DDX31: variants seen among roughly 807,000 people sequenced by gnomAD.
DDX31 encodes ATP-dependent DNA helicase DDX31.
A neutral mutation model predicts 91.3 loss-of-function variants in DDX31; 70 were observed. The observed-to-expected ratio is 0.77, with a 90% confidence interval of 0.63 to 0.94. The LOEUF (loss-of-function observed/expected upper bound fraction) is 0.94, where lower values mean the gene tolerates loss of function less well. DDX31 is among the 40% of genes least tolerant of loss of function. DDX31 has a pLI of 0.00. For missense variants in DDX31, 902 were observed against 925.0 expected (o/e 0.98, Z 0.32); for synonymous variants, 362 against 350.6 (o/e 1.03, Z -0.36).
intron 3 of DDX31, 81 bp downstream of exon 3, chr9:132,662,180 T>G: frequency 1.5e-6 from 2 of 1,366,870 alleles, no homozygotes; most frequent in Non-Finnish European, 2.1e-6. Flanking sequence ...TCTCTCCTCC[T>G]AGAGCGGCCA....
intron 1 of DDX31, chr9:132,663,586 A>G (rs1307059362): frequency 1.1e-6 from 1 of 925,356 alleles, no homozygotes; most frequent in African/African-American, 1.8e-5. Context: ...ATATAAAAGC[A>G]TCCCTTGAGT....
At position 132,652,531 on chromosome 9, in the gene DDX31, A is replaced by G. The variant is rs772547585; in HGVS notation, c.589-39T>C. 2.5e-6 allele frequency: 4 copies of G among 1,613,296 alleles called. No individual in the cohort carries two copies. In the Admixed American group the frequency reaches 6.7e-5, roughly 27 times the overall value. ...GAAAAAAAATGCCATGAGCAGGATA[A>G]ACAAAGGCAGACTCCAAACGGACAG... is the stretch of plus-strand genomic sequence containing the variant. On this transcript the variant is annotated intron_variant, in intron 6 of 19. Transcript: ENST00000372159.
At chr9:132,648,351 T>C in intron 10 of DDX31, 56 bp from the exon 11 acceptor site, 5 of 1,606,756 alleles carry the variant, frequency 3.1e-6, no homozygotes, top group Non-Finnish European at 4.2e-6. Context: ...AGATGTGGTC[T>C]AAGGGGCTAC....
At chr9:132,655,138 T>G (rs1342493584) in intron 6 of DDX31, among the ~76,000 whole-genome samples, 2 of 152,092 alleles carry the variant, frequency 1.3e-5, no homozygotes, top group Non-Finnish European at 2.9e-5. Context: ...ATAGACCATA[T>G]GTGTGTGTAA....
chr9:132,651,512 G>C (rs781091362), intron 7 of DDX31, among the ~76,000 whole-genome samples: 1 of 152,182 alleles, frequency 6.6e-6, no homozygotes, highest in Non-Finnish European at 1.5e-5. Flanking sequence ...AACCACAATA[G>C]TGACGCAACA....
intron 19 of DDX31, among the ~76,000 whole-genome samples, chr9:132,611,015 C>T (rs559753957): frequency 5.3e-5 from 8 of 152,236 alleles, no homozygotes; most frequent in South Asian, 2.1e-4. Flanking sequence ...TGACACTTCC[C>T]GGTGAACGGA....
chr9:132,660,151 T>C (rs1319022122), intron 4 of DDX31, among the ~76,000 whole-genome samples: 2 of 151,864 alleles, frequency 1.3e-5, no homozygotes, highest in African/African-American at 4.8e-5. Flanking sequence ...CTGGCCAACA[T>C]GATGAAACCC....
At chr9:132,628,446 C>A (rs1832528361) in intron 16 of DDX31, among the ~76,000 whole-genome samples, 1 of 152,244 alleles carries the variant, frequency 6.6e-6, no homozygotes, top group African/African-American at 2.4e-5. Flanking sequence ...ATCATCACAG[C>A]AGATGATGGT....
At chr9:132,610,943 TC>T (rs1319210856) in intron 19 of DDX31, among the ~76,000 whole-genome samples, 2 of 152,100 alleles carry the variant, frequency 1.3e-5, no homozygotes, top group East Asian at 3.9e-4. Context: ...CACTGGGTGG[TC>T]CCTCTGTCTT....
chr9:132,608,362 G>T (rs929289515), intron 19 of DDX31, among the ~76,000 whole-genome samples: 3 of 152,120 alleles, frequency 2.0e-5, no homozygotes, highest in Non-Finnish European at 4.4e-5. Context: ...AAAGTCGACA[G>T]AAACCTAGTT....
chr9:132,609,598 C>T (rs995767068), intron 19 of DDX31, among the ~76,000 whole-genome samples: 27 of 152,182 alleles, frequency 1.8e-4, no homozygotes, highest in African/African-American at 6.3e-4. Context: ...TTTCAGGGAT[C>T]GGAATAAACA....
intron 5 of DDX31, 113 bp downstream of exon 5, chr9:132,659,597 C>A: frequency 9.9e-7 from 1 of 1,008,650 alleles, no homozygotes; most frequent in Non-Finnish European, 1.5e-6. Flanking sequence ...GCCTCCCTCC[C>A]CCAAACGAAA....
At chr9:132,635,555 G>A (rs1230848425) in intron 14 of DDX31, among the ~76,000 whole-genome samples, 3 of 144,450 alleles carry the variant, frequency 2.1e-5, no homozygotes, top group Admixed American at 7.3e-5. Context: ...TGCCCGCCTC[G>A]GCCTCCCAAA....
At chr9:132,638,400 C>T in intron 14 of DDX31, 2 of 1,614,032 alleles carry the variant, frequency 1.2e-6, no homozygotes, top group South Asian at 2.2e-5. Context: ...GCAGATAATC[C>T]AGTGTCTGAT....
chr9:132,614,037 C>T (rs943910979), intron 18 of DDX31, among the ~76,000 whole-genome samples: 3 of 152,172 alleles, frequency 2.0e-5, no homozygotes, highest in Non-Finnish European at 1.5e-5. Context: ...TGCCAGCCTT[C>T]GCTTCCTCAC....
Position 132,595,215 on chromosome 9 carries a change from A to T in DDX31, c.1995-103T>A. 1 of 1,383,742 alleles carries T rather than the reference A, an allele frequency of 7.2e-7. No homozygotes were observed. The highest frequency in any genetic ancestry group is 2.4e-5 in the East Asian group (1 of 42,526). 85.7% of individuals were successfully genotyped at this position (1,383,742 alleles called of 1,614,324 possible). ...CTGGTTCTGAGACTGTGAAGCTGAC[A>T]TTTTTGTATTAACAGAAGTACAATC... On this transcript the variant is annotated intron_variant, in intron 19 of 19. Coordinates refer to ENST00000372159, the MANE Select transcript of DDX31 (RefSeq NM_022779.9). This position sits in a 1 kb window ranked among gnomAD's most constrained non-coding sequence, Gnocchi z 4.6.
intron 19 of DDX31, among the ~76,000 whole-genome samples, chr9:132,609,481 T>C (rs937302688): frequency 6.6e-6 from 1 of 152,158 alleles, no homozygotes; most frequent in African/African-American, 2.4e-5. Context: ...CTTTCCAAGA[T>C]CTGGGCCGGT....
At chr9:132,598,481 AC>A (rs541668781) in intron 19 of DDX31, among the ~76,000 whole-genome samples, 4 of 151,230 alleles carry the variant, frequency 2.6e-5, no homozygotes, top group East Asian at 1.9e-4. Context: ...GGCTGAATAA[AC>A]CCCCCCTCAG....
chr9:132,662,589 T>A lies in DDX31; in HGVS notation c.182A>T (p.Glu61Val). 1 of 1,614,260 alleles carries A rather than the reference T, an allele frequency of 6.2e-7. No homozygotes were observed. Among genetic ancestry groups the A allele is most frequent in the Non-Finnish European group, 8.5e-7 (1 of 1,180,048 alleles). Residue 61 changes from glutamate to valine, a missense_variant, in exon 2 of 20, where the codon GAA becomes GTA. By Grantham distance (121) the Glu-to-Val change is moderately radical. Transcript: ENST00000372159. ...FLPAKKTSVK[E>V]TQRTFKGNAQ... ...GTTCCCCTTAAAAGTCCTCTGAGTTTCTTTAACACTAGTTTTCTTGGCTGG... is the reference window on the plus strand; with the variant it reads ...GTTCCCCTTAAAAGTCCTCTGAGTTACTTTAACACTAGTTTTCTTGGCTGG...
Sources: allele counts gnomAD v4.1 joint callset (sites outside exome capture counted in the v4.1 genomes callset), GRCh38; gene constraint gnomAD v4.1.1; non-coding constraint Gnocchi (gnomAD v3.1); transcripts MANE v1.5; gene names NCBI Gene and HGNC (gene_info 2026-07-23, HGNC 2026-07-21).